The following MTHFD2L variants were observed in gnomAD, a reference collection of about 807,000 sequenced individuals.
MTHFD2L encodes the protein methylenetetrahydrofolate dehydrogenase (NADP+ dependent) 2 like, also known as bifunctional methylenetetrahydrofolate dehydrogenase/cyclohydrolase 2, mitochondrial.
Under a neutral mutation model 34.9 loss-of-function variants are expected in MTHFD2L, and 29 were observed. That is an observed-to-expected ratio of 0.83 (90% confidence interval 0.62 to 1.13). The LOEUF (loss-of-function observed/expected upper bound fraction) is 1.13. MTHFD2L is among the 50% of genes most tolerant of loss of function. MTHFD2L has a pLI of 0.00. For synonymous variants in MTHFD2L, 167 were observed against 155.7 expected, an observed-to-expected ratio of 1.07 and a Z score of -0.54; for missense variants, 481 against 446.5, an observed-to-expected ratio of 1.08 and a Z score of -0.70.
intron 3 of MTHFD2L, among the ~76,000 whole-genome samples, chr4:74,193,813 T>A (rs1733000526): frequency 6.6e-6 from 1 of 152,190 alleles, no homozygotes; most frequent in Admixed American, 6.5e-5. Context: ...AATTGTTTTA[T>A]AAATTTTTAA....
intron 3 of MTHFD2L, among the ~76,000 whole-genome samples, chr4:74,178,200 A>G (rs767020347): frequency 6.6e-6 from 1 of 152,062 alleles, no homozygotes; most frequent in Non-Finnish European, 1.5e-5. Context: ...TAATAACAAC[A>G]TACTATATAC....
intron 7 of MTHFD2L, among the ~76,000 whole-genome samples, 165 bp from the exon 8 acceptor site, chr4:74,301,532 C>CGTGTGTGT (rs72168468): frequency 1.4e-5 from 2 of 146,142 alleles, no homozygotes; most frequent in South Asian, 4.4e-4. Context: ...TGAGTGTGAG[C>CGTGTGTGT]GTGTGTGTGT....
At chr4:74,213,003 C>G (rs1305331432) in intron 5 of MTHFD2L, among the ~76,000 whole-genome samples, 1 of 151,542 alleles carries the variant, frequency 6.6e-6, no homozygotes, top group African/African-American at 2.4e-5. Flanking sequence ...TTATCAGAGA[C>G]TAGGATTGCA....
chr4:74,292,868 T>C (rs1749132678), intron 7 of MTHFD2L, among the ~76,000 whole-genome samples: 1 of 152,044 alleles, frequency 6.6e-6, no homozygotes, highest in African/African-American at 2.4e-5. Flanking sequence ...ATTATTATTA[T>C]ACTTTAAGTT....
At chr4:74,141,250 A>T (rs1055445969) in intron 1 of MTHFD2L, among the ~76,000 whole-genome samples, 2 of 152,218 alleles carry the variant, frequency 1.3e-5, no homozygotes, top group African/African-American at 4.8e-5. Flanking sequence ...TGGCTTAAGC[A>T]GGGTTGATTA....
At chr4:74,262,578 A>G (rs768943750) in intron 6 of MTHFD2L, among the ~76,000 whole-genome samples, 1 of 151,988 alleles carries the variant, frequency 6.6e-6, no homozygotes, top group Non-Finnish European at 1.5e-5. Flanking sequence ...TAAAAGAACA[A>G]TTTATAGGAA....
chr4:74,149,216 T>G (rs1284306694), intron 1 of MTHFD2L, among the ~76,000 whole-genome samples: 1 of 151,870 alleles, frequency 6.6e-6, no homozygotes, highest in East Asian at 1.9e-4. Flanking sequence ...GCTGTTGGGT[T>G]ATTTTGTATC....
rs149115735 is a variant in MTHFD2L, at chr4:74,260,709, C to T, written c.806-20716C>T. ...TTATTTCATTCAATTTATAAAACTA[C>T]GATAGTCATATCAAAACAAGACAAG... On this transcript the variant is annotated intron_variant, in intron 6 of 7. Coordinates refer to ENST00000325278, the MANE Select transcript of MTHFD2L (RefSeq NM_001144978.3). Among the ~76,000 whole-genome samples, 521 of 152,036 alleles carry T rather than the reference C, an allele frequency of 3.4e-3. 5 individuals are homozygous for T. Among genetic ancestry groups the T allele is most frequent in the African/African-American group, 0.012 (480 of 41,462 alleles).
At chr4:74,273,104 G>C (rs758644546) in intron 6 of MTHFD2L, among the ~76,000 whole-genome samples, 2 of 152,070 alleles carry the variant, frequency 1.3e-5, no homozygotes, top group Non-Finnish European at 2.9e-5. Flanking sequence ...TGAGGAGTAT[G>C]GGTTTTACAT....
At chr4:74,148,393 C>T (rs549398) in intron 1 of MTHFD2L, among the ~76,000 whole-genome samples, 2,471 of 17,284 alleles carry the variant, frequency 0.14, 24 homozygotes, top group East Asian at 0.19. Flanking sequence ...ATTTATTTAT[C>T]TATCTATCTA....
intron 1 of MTHFD2L, among the ~76,000 whole-genome samples, chr4:74,130,153 AGGTACAAAGAGGAGAT>A (rs1722372810): frequency 6.6e-6 from 1 of 152,166 alleles, no homozygotes; most frequent in Non-Finnish European, 1.5e-5. Context: ...ATTCTACCAG[AGGTACAAAGAGGAGAT>A]GGTACCATTC....
chr4:74,232,802 G>C (rs763115186), intron 6 of MTHFD2L, among the ~76,000 whole-genome samples: 1 of 152,006 alleles, frequency 6.6e-6, no homozygotes, highest in African/African-American at 2.4e-5. Context: ...CACCATGTAC[G>C]TGCTTCTTCA....
Position 74,302,233 on chromosome 4 carries a change from A to G in MTHFD2L, c.*424A>G, listed in dbSNP as rs1351978957. 6.6e-6 allele frequency: 1 copy of G among 152,578 alleles called. No homozygotes were observed. Among genetic ancestry groups the G allele is most frequent in the African/African-American group, 2.4e-5 (1 of 41,462 alleles). The allele number at this position is 152,578 out of a possible 1,614,324, so 9.5% of individuals were successfully genotyped here. Reference sequence around the variant, plus strand: ...GCTAACATTTTTAATGTATTTTATGATCTATGTCATATATTAAAAAAGAGC... The same window carrying G: ...GCTAACATTTTTAATGTATTTTATGGTCTATGTCATATATTAAAAAAGAGC... On this transcript the variant is annotated 3_prime_UTR_variant, in exon 8 of 8. Transcript: ENST00000325278.
At chr4:74,127,249 T>C (rs963929856) in intron 1 of MTHFD2L, among the ~76,000 whole-genome samples, 3 of 152,172 alleles carry the variant, frequency 2.0e-5, no homozygotes, top group Non-Finnish European at 4.4e-5. Flanking sequence ...TAAATACTTT[T>C]CTTTGTGCCA....
intron 6 of MTHFD2L, among the ~76,000 whole-genome samples, chr4:74,231,925 C>A (rs1740126636): frequency 1.3e-5 from 2 of 151,968 alleles, no homozygotes; most frequent in Admixed American, 1.3e-4. Context: ...AAAAAAAAAC[C>A]TTTTGCATAG....
At chr4:74,178,967 C>T (rs1158698605) in intron 3 of MTHFD2L, among the ~76,000 whole-genome samples, 1 of 152,056 alleles carries the variant, frequency 6.6e-6, no homozygotes. Flanking sequence ...CTCACTGGCA[C>T]ATCAGTGTTA....
chr4:74,202,579 A>C (rs1734624333), intron 5 of MTHFD2L, among the ~76,000 whole-genome samples: 1 of 152,186 alleles, frequency 6.6e-6, no homozygotes. Context: ...AGGAGGGCAC[A>C]AGGGTTATTC....
At chr4:74,244,917 G>A (rs781182372) in intron 6 of MTHFD2L, among the ~76,000 whole-genome samples, 7 of 152,056 alleles carry the variant, frequency 4.6e-5, no homozygotes, top group Non-Finnish European at 8.8e-5. Context: ...GTTGTTGGCC[G>A]GGTGCAGTGG....
chr4:74,246,627 CT>C (rs2110186106), intron 6 of MTHFD2L, among the ~76,000 whole-genome samples: 1 of 152,278 alleles, frequency 6.6e-6, no homozygotes, highest in Admixed American at 6.5e-5. Context: ...ACATTTAAGT[CT>C]TTAATCCATC....
Sources: gnomAD v4.1 joint callset for allele counts (sites outside exome capture counted in the v4.1 genomes callset) on GRCh38, gnomAD v4.1.1 for gene constraint, MANE v1.5 for transcripts, NCBI Gene and HGNC (gene_info 2026-07-23, HGNC 2026-07-21) for gene names.